Variants in GRID1 observed in about 807,000 individuals in gnomAD.
GRID1 encodes the protein glutamate receptor ionotropic, delta-1.
Under a neutral mutation model 98.0 loss-of-function variants are expected in GRID1, and 28 were observed. That is an observed-to-expected ratio of 0.29 (90% CI 0.21 to 0.39). The LOEUF is 0.39. Among genes scored for constraint, GRID1 ranks in the 10% least tolerant of loss-of-function variants. GRID1 has a pLI of 1.00. For synonymous variants in GRID1, 553 were observed against 538.5 expected (o/e 1.03, Z -0.37); for missense variants, 1,111 against 1,340.5 (o/e 0.83, Z 2.67).
At chr10:85,704,491 G>A (rs922195306) in intron 12 of GRID1, among the ~76,000 whole-genome samples, 2 of 152,188 alleles carry the variant, frequency 1.3e-5, no homozygotes, top group African/African-American at 4.8e-5. Flanking sequence ...GACCTAGAAA[G>A]AGACTTAGAC....
intron 3 of GRID1, among the ~76,000 whole-genome samples, chr10:86,157,709 A>G (rs913515923): frequency 3.9e-5 from 6 of 152,210 alleles, no homozygotes; most frequent in African/African-American, 1.2e-4. Context: ...AAGCAGATGG[A>G]AAGTCCAGGG....
intron 5 of GRID1, among the ~76,000 whole-genome samples, chr10:85,871,216 G>A (rs1466769202): frequency 6.6e-6 from 1 of 152,190 alleles, no homozygotes; most frequent in African/African-American, 2.4e-5. Context: ...TTAGCCTACA[G>A]TTGGGCAAAC....
intron 13 of GRID1, among the ~76,000 whole-genome samples, chr10:85,640,802 A>G (rs1213921661): frequency 1.3e-5 from 2 of 152,230 alleles, no homozygotes; most frequent in African/African-American, 4.8e-5. Context: ...CCCACATGCA[A>G]TCTAGTGCAA....
intron 4 of GRID1, among the ~76,000 whole-genome samples, chr10:85,960,431 C>T (rs1842251360): frequency 6.6e-6 from 1 of 152,238 alleles, no homozygotes; most frequent in African/African-American, 2.4e-5. Flanking sequence ...TATCATAGTA[C>T]AGCAGGCCTT....
At chr10:85,705,228 C>T (rs559546280) in intron 12 of GRID1, among the ~76,000 whole-genome samples, 1 of 151,854 alleles carries the variant, frequency 6.6e-6, no homozygotes, top group South Asian at 2.1e-4. Flanking sequence ...CCTAGCAAGA[C>T]TAATAAAGAA....
At chr10:86,242,219 T>G (rs554602962) in intron 2 of GRID1, among the ~76,000 whole-genome samples, 4 of 152,296 alleles carry the variant, frequency 2.6e-5, no homozygotes, top group South Asian at 4.1e-4. Context: ...AAGGAAAGAA[T>G]AAGGTCAGGT....
chr10:86,234,909 G>A (rs554487914), intron 2 of GRID1, among the ~76,000 whole-genome samples: 1 of 152,328 alleles, frequency 6.6e-6, no homozygotes, highest in South Asian at 2.1e-4. Context: ...CGCACTGATG[G>A]TGGAACCACC....
intron 4 of GRID1, among the ~76,000 whole-genome samples, chr10:86,109,391 C>A (rs1198135498): frequency 1.3e-5 from 2 of 152,246 alleles, no homozygotes; most frequent in African/African-American, 2.4e-5. Flanking sequence ...GAGCCCCCAA[C>A]ACAAGGGGCC....
At chr10:86,172,336 A>G (rs993106027) in intron 3 of GRID1, among the ~76,000 whole-genome samples, 3 of 152,156 alleles carry the variant, frequency 2.0e-5, no homozygotes, top group African/African-American at 7.2e-5. Flanking sequence ...TCAGTACTTC[A>G]TTACTTTTTG....
At chr10:86,035,335 T>C (rs1224398718) in intron 4 of GRID1, among the ~76,000 whole-genome samples, 5 of 152,242 alleles carry the variant, frequency 3.3e-5, no homozygotes, top group African/African-American at 4.8e-5. Flanking sequence ...TGACTCAATA[T>C]CCTGAAGGAT....
intron 8 of GRID1, among the ~76,000 whole-genome samples, chr10:85,732,732 T>C (rs755377419): frequency 1.1e-4 from 17 of 152,184 alleles, no homozygotes; most frequent in Non-Finnish European, 2.5e-4. Context: ...ATATGAACTA[T>C]ATTAATTAAA....
chr10:85,794,982 C>A (rs1842513430), intron 8 of GRID1, among the ~76,000 whole-genome samples: 1 of 152,122 alleles, frequency 6.6e-6, no homozygotes, highest in Non-Finnish European at 1.5e-5. Flanking sequence ...TCTCCCCCAA[C>A]TTCTAACTAA....
At chr10:86,223,058 C>T (rs1262033129) in intron 2 of GRID1, among the ~76,000 whole-genome samples, 1 of 152,232 alleles carries the variant, frequency 6.6e-6, no homozygotes, top group African/African-American at 2.4e-5. Context: ...TGCCACTGAC[C>T]TGCTTCTGGG....
chr10:85,662,023 T>A, intron 12 of GRID1, among the ~76,000 whole-genome samples: 1 of 152,216 alleles, frequency 6.6e-6, no homozygotes, highest in Non-Finnish European at 1.5e-5. Context: ...TCTGCCATGT[T>A]CACAGGGCAT....
At chr10:85,628,998 G>A (rs1842943010) in intron 13 of GRID1, among the ~76,000 whole-genome samples, 1 of 152,056 alleles carries the variant, frequency 6.6e-6, no homozygotes, top group Admixed American at 6.6e-5. Flanking sequence ...CCATGACCTG[G>A]GCAGGACAAC....
At chr10:85,732,094 T>C (rs542110588) in intron 8 of GRID1, among the ~76,000 whole-genome samples, 1 of 152,290 alleles carries the variant, frequency 6.6e-6, no homozygotes, top group Admixed American at 6.5e-5. Context: ...CTCTATTCTT[T>C]GGATGTTCTA....
intron 14 of GRID1, among the ~76,000 whole-genome samples, chr10:85,614,239 T>C (rs1297224313): frequency 6.6e-6 from 1 of 152,154 alleles, no homozygotes; most frequent in East Asian, 1.9e-4. Context: ...AGAGCTGTGA[T>C]TTAAAAAAAT....
chr10:85,616,112 T>C (rs1842785302), intron 14 of GRID1, among the ~76,000 whole-genome samples: 1 of 152,216 alleles, frequency 6.6e-6, no homozygotes, highest in Non-Finnish European at 1.5e-5. Flanking sequence ...AGCTGGTTAG[T>C]AGTTGTCAGC....
At chr10:86,246,228 C>T (rs1030457251) in intron 2 of GRID1, among the ~76,000 whole-genome samples, 1 of 152,242 alleles carries the variant, frequency 6.6e-6, no homozygotes, top group African/African-American at 2.4e-5. Flanking sequence ...CCCTCAGCTG[C>T]ACTCACCGGC....
Sources: gnomAD v4.1 joint callset for allele counts (sites outside exome capture counted in the v4.1 genomes callset) on GRCh38, gnomAD v4.1.1 for gene constraint, MANE v1.5 for transcripts, NCBI Gene and HGNC (gene_info 2026-07-23, HGNC 2026-07-21) for gene names.